The following RAP1A variants were observed in gnomAD, a reference collection of about 807,000 sequenced individuals.
The protein encoded by RAP1A is ras-related protein Rap-1A.
RAP1A carries 6 observed loss-of-function variants against 26.4 expected under a neutral mutation model. That is an observed-to-expected ratio of 0.23 (90% CI 0.12 to 0.45). The LOEUF is 0.45. Among genes scored for constraint, RAP1A ranks in the 20% least tolerant of loss-of-function variants. The pLI is 0.99. For missense variants in RAP1A, 121 were observed against 217.2 expected, an observed-to-expected ratio of 0.56 and a Z score of 2.78; for synonymous variants, 73 against 79.4, an observed-to-expected ratio of 0.92 and a Z score of 0.43.
intron 1 of RAP1A, among the ~76,000 whole-genome samples, chr1:111,590,017 A>C (rs1658439682): frequency 6.6e-6 from 1 of 152,092 alleles, no homozygotes. Flanking sequence ...GGATCCTTCT[A>C]CCTCAGCCTC....
chr1:111,667,157 G>C (rs1336542559), intron 1 of RAP1A, among the ~76,000 whole-genome samples: 1 of 152,128 alleles, frequency 6.6e-6, no homozygotes, highest in Non-Finnish European at 1.5e-5. Context: ...TCATGTAGTG[G>C]AAAAGAAAAG....
chr1:111,708,771 A>C (rs772908021), intron 6 of RAP1A, among the ~76,000 whole-genome samples: 29 of 152,228 alleles, frequency 1.9e-4, no homozygotes, highest in Middle Eastern at 6.8e-3. Flanking sequence ...GTGTGTGTGC[A>C]CGTGTGTGTG....
At chr1:111,663,060 C>T (rs547543) in intron 1 of RAP1A, among the ~76,000 whole-genome samples, 17,958 of 151,884 alleles carry the variant, frequency 0.12, 1,403 homozygotes, top group East Asian at 0.21. Context: ...ATTACAGGCA[C>T]GAGCCACCAT....
chr1:111,559,740 C>T (rs770056745), intron 1 of RAP1A, among the ~76,000 whole-genome samples: 25 of 152,194 alleles, frequency 1.6e-4, no homozygotes, highest in Non-Finnish European at 1.3e-4. Context: ...AAAATGACTG[C>T]TTCATTTAAA....
intron 1 of RAP1A, among the ~76,000 whole-genome samples, chr1:111,623,113 G>A (rs1042993503): frequency 6.6e-6 from 1 of 151,896 alleles, no homozygotes; most frequent in Non-Finnish European, 1.5e-5. Flanking sequence ...TGCCTCCTGG[G>A]TTCAAGCGAT....
intron 1 of RAP1A, among the ~76,000 whole-genome samples, chr1:111,650,053 T>A (rs1660212233): frequency 6.6e-6 from 1 of 150,762 alleles, no homozygotes; most frequent in African/African-American, 2.4e-5. Flanking sequence ...AGAATTCTTC[T>A]AACAATATAT....
intron 1 of RAP1A, among the ~76,000 whole-genome samples, 164 bp downstream of exon 1, chr1:111,620,098 C>T (rs1423323208): frequency 6.6e-6 from 1 of 151,850 alleles, no homozygotes; most frequent in African/African-American, 2.4e-5. Context: ...GCCTGGCCGG[C>T]GGGAGGGGCC....
At chr1:111,658,690 AAAC>A (rs2101152464) in intron 1 of RAP1A, among the ~76,000 whole-genome samples, 1 of 152,356 alleles carries the variant, frequency 6.6e-6, no homozygotes, top group African/African-American at 2.4e-5. Context: ...TATGCGGTCT[AAAC>A]AATGCGGATT....
intron 1 of RAP1A, among the ~76,000 whole-genome samples, chr1:111,589,529 G>A (rs1658432579): frequency 6.6e-6 from 1 of 152,062 alleles, no homozygotes; most frequent in African/African-American, 2.4e-5. Flanking sequence ...CCCTGAAAAT[G>A]CTCCACATTT....
chr1:111,582,605 C>T (rs191888273), intron 1 of RAP1A, among the ~76,000 whole-genome samples: 117 of 152,192 alleles, frequency 7.7e-4, no homozygotes, highest in Non-Finnish European at 1.5e-3. Context: ...ATTTAAGCTC[C>T]GGTTAAGCAG....
At chr1:111,590,219 A>G (rs1658445906) in intron 1 of RAP1A, among the ~76,000 whole-genome samples, 1 of 152,190 alleles carries the variant, frequency 6.6e-6, no homozygotes, top group Admixed American at 6.5e-5. Context: ...TTGATTGTGA[A>G]TACTGTAGTT....
At chr1:111,565,667 G>A (rs1207946359) in intron 1 of RAP1A, among the ~76,000 whole-genome samples, 2 of 152,058 alleles carry the variant, frequency 1.3e-5, no homozygotes, top group Non-Finnish European at 1.5e-5. Context: ...GCAGTGTGAA[G>A]CATTTTTCCT....
chr1:111,595,908 T>C (rs906574959), intron 1 of RAP1A, among the ~76,000 whole-genome samples: 1 of 152,232 alleles, frequency 6.6e-6, no homozygotes, highest in Non-Finnish European at 1.5e-5. Context: ...TTATTTCATT[T>C]AAGAATCTCA....
chr1:111,610,374 A>G (rs1254040910), intron 1 of RAP1A, among the ~76,000 whole-genome samples: 1 of 152,188 alleles, frequency 6.6e-6, no homozygotes, highest in Non-Finnish European at 1.5e-5. Context: ...CTCAAAATTA[A>G]TATTGTAAAT....
intron 1 of RAP1A, among the ~76,000 whole-genome samples, chr1:111,647,903 A>G (rs1396889529): frequency 6.6e-6 from 1 of 152,038 alleles, no homozygotes; most frequent in African/African-American, 2.4e-5. Flanking sequence ...ATTTAACTGT[A>G]GTTTCTTCCT....
intron 1 of RAP1A, among the ~76,000 whole-genome samples, chr1:111,554,850 T>G (rs961406806): frequency 3.3e-5 from 5 of 152,106 alleles, no homozygotes; most frequent in Non-Finnish European, 7.4e-5. Flanking sequence ...CTAAAAAAGT[T>G]CCAAAGAATG....
At chr1:111,710,495 C>G (rs1448753927) in intron 7 of RAP1A, among the ~76,000 whole-genome samples, 2 of 152,140 alleles carry the variant, frequency 1.3e-5, no homozygotes, top group Non-Finnish European at 2.9e-5. Context: ...TAATTTGGTG[C>G]TTATTACATG....
At chr1:111,654,706 G>A (rs72695301) in intron 1 of RAP1A, among the ~76,000 whole-genome samples, 19,491 of 151,314 alleles carry the variant, frequency 0.13, 1,586 homozygotes, top group South Asian at 0.17. Context: ...AACTGAGTAA[G>A]TTTAAGAAGT....
upstream of RAP1A, among the ~76,000 whole-genome samples, chr1:111,616,648 AT>A (rs1451402502): frequency 1.3e-5 from 2 of 152,122 alleles, no homozygotes; most frequent in Non-Finnish European, 2.9e-5. Context: ...TATCACTATA[AT>A]CACTCCCTTA....
Sources: allele counts gnomAD v4.1 joint callset (sites outside exome capture counted in the v4.1 genomes callset), GRCh38; gene constraint gnomAD v4.1.1; transcripts MANE v1.5; gene names NCBI Gene and HGNC (gene_info 2026-07-23, HGNC 2026-07-21).